Variants in TIAM1 observed in about 807,000 individuals in gnomAD.
TIAM1 encodes the protein rho guanine nucleotide exchange factor TIAM1.
A neutral mutation model predicts 163.5 loss-of-function variants in TIAM1; 65 were observed. The observed-to-expected ratio is 0.40, with a 90% confidence interval of 0.33 to 0.49. TIAM1 has a LOEUF of 0.49. Among genes scored for constraint, TIAM1 ranks in the 20% least tolerant of loss-of-function variants. The pLI, the probability that TIAM1 is intolerant of heterozygous loss-of-function variation, is 0.77. For missense variants in TIAM1, 1,789 were observed against 2,044.7 expected, an observed-to-expected ratio of 0.87 and a Z score of 2.41; for synonymous variants, 833 against 810.1, an observed-to-expected ratio of 1.03 and a Z score of -0.48.
chr21:31,399,972 ACACT>A (rs1369394580), intron 2 of TIAM1, among the ~76,000 whole-genome samples: 3 of 152,134 alleles, frequency 2.0e-5, no homozygotes, highest in Admixed American at 2.0e-4. Flanking sequence ...GCACACACAT[ACACT>A]CACTCACACA....
intron 2 of TIAM1, among the ~76,000 whole-genome samples, chr21:31,286,465 T>C (rs192914671): frequency 6.6e-6 from 1 of 152,108 alleles, no homozygotes; most frequent in Non-Finnish European, 1.5e-5. Flanking sequence ...CTTAGCACTT[T>C]GGGAAGCCGA....
chr21:31,488,546 G>C (rs1271732481), intron 1 of TIAM1, among the ~76,000 whole-genome samples: 1 of 152,238 alleles, frequency 6.6e-6, no homozygotes, highest in African/African-American at 2.4e-5. Context: ...AAGTTTCATG[G>C]ACTCAGTTCC....
At chr21:31,317,722 G>C (rs546908417) in intron 2 of TIAM1, among the ~76,000 whole-genome samples, 1 of 152,288 alleles carries the variant, frequency 6.6e-6, no homozygotes, top group Non-Finnish European at 1.5e-5. Context: ...AGAGGGTGTA[G>C]TGAGCCGACA....
intron 2 of TIAM1, among the ~76,000 whole-genome samples, chr21:31,382,219 TG>T (rs2076790107): frequency 6.6e-6 from 1 of 152,246 alleles, no homozygotes; most frequent in African/African-American, 2.4e-5. Flanking sequence ...CAGAGACCTC[TG>T]GGGCTAGATG....
intron 16 of TIAM1, 132 bp downstream of exon 16, chr21:31,164,830 G>T: frequency 2.5e-6 from 2 of 815,194 alleles, no homozygotes; most frequent in Non-Finnish European, 3.9e-6. Context: ...CTGCTATTCA[G>T]CAACATCTCA....
rs2083459128 is a variant in TIAM1, at chr21:31,153,187, C to T, written c.3172-53G>A. 4 of 1,419,022 alleles carry T rather than the reference C, an allele frequency of 2.8e-6. No individual in the cohort carries two copies. In the Admixed American group the frequency reaches 5.8e-5, roughly 21 times the overall value. The allele number at this position is 1,419,022 out of a possible 1,614,324, so 87.9% of individuals were successfully genotyped here. A position where few individuals can be genotyped will look rare whatever the true frequency, so the allele number is the denominator to read the frequency against. On this transcript the variant is annotated intron_variant, in intron 17 of 27. Coordinates refer to ENST00000541036, the MANE Select transcript of TIAM1 (RefSeq NM_001353694.2). Reference sequence around the variant, plus strand: ...CTTATGTGTTTTATTTTTTATATACCCTAGAACTTAAAGTATAAAGCATAT... The same window carrying T: ...CTTATGTGTTTTATTTTTTATATACTCTAGAACTTAAAGTATAAAGCATAT...
At chr21:31,322,206 T>G (rs556900957) in intron 2 of TIAM1, among the ~76,000 whole-genome samples, 3 of 152,206 alleles carry the variant, frequency 2.0e-5, no homozygotes, top group Non-Finnish European at 4.4e-5. Flanking sequence ...CATGATTATC[T>G]AAGAATATCA....
chr21:31,139,366 G>A (rs2082745020), intron 22 of TIAM1, among the ~76,000 whole-genome samples: 1 of 152,096 alleles, frequency 6.6e-6, no homozygotes, highest in Admixed American at 6.5e-5. Context: ...CAAAGGATGG[G>A]AGGACTTCTT....
intron 2 of TIAM1, among the ~76,000 whole-genome samples, chr21:31,303,393 T>C (rs2074574981): frequency 6.6e-6 from 1 of 152,180 alleles, no homozygotes; most frequent in African/African-American, 2.4e-5. Flanking sequence ...GGCAGATTCA[T>C]TAACTCATTT....
At chr21:31,135,668 T>C (rs1333545661) in intron 23 of TIAM1, among the ~76,000 whole-genome samples, 1 of 152,210 alleles carries the variant, frequency 6.6e-6, no homozygotes, top group Non-Finnish European at 1.5e-5. Flanking sequence ...AAAAAATTCT[T>C]TTCCTGCCTC....
chr21:31,365,356 C>A (rs2076481568), intron 2 of TIAM1, among the ~76,000 whole-genome samples: 1 of 151,018 alleles, frequency 6.6e-6, no homozygotes, highest in Non-Finnish European at 1.5e-5. Flanking sequence ...GAAGCACCTG[C>A]TGGCAGGGTC....
At position 31,266,361 on chromosome 21, in the gene TIAM1, T is replaced by C. The variant is rs767377168; in HGVS notation, c.612A>G (p.Glu204=). 7 of 1,614,150 alleles carry C rather than the reference T, an allele frequency of 4.3e-6. No homozygotes were observed. The highest frequency in any genetic ancestry group is 5.9e-6 in the Non-Finnish European group (7 of 1,180,058). Residue 204 remains glutamate, a synonymous_variant, in exon 4 of 28, where the codon GAA becomes GAG. Coordinates refer to ENST00000541036, the MANE Select transcript of TIAM1 (RefSeq NM_001353694.2). ...TSNEEILGSA[E]EKDCEEARGM... is the part of the protein sequence containing the mutation. The stretch of plus-strand genomic sequence containing the variant: ...CCCGAGCCTCCTCGCAGTCCTTCTC[T>C]TCGGCGGAACCCAAGATTTCTTCGT...
rs764039790 is a variant in TIAM1 at position 31,141,354 on chromosome 21, G to A, written c.3626C>T (p.Ala1209Val). Residue 1209 changes from alanine to valine, a missense_variant, in exon 21 of 28, where the codon GCG becomes GTG. Physicochemically the swap from Ala to Val is moderately conservative, Grantham distance 64 (BLOSUM62 0). Coordinates refer to ENST00000541036, the MANE Select transcript of TIAM1 (RefSeq NM_001353694.2). The surrounding 1 kb of genome is among the most constrained non-coding windows in gnomAD (Gnocchi z 4.7). Reference sequence around the variant, plus strand: ...CAGGTGGTAGTGCTCCTCGCTCTCCGCATCGGTCAGGGCGAACAGCTCCCT... The same window carrying A: ...CAGGTGGTAGTGCTCCTCGCTCTCCACATCGGTCAGGGCGAACAGCTCCCT... ...LLRELFALTDAESEEHYHLDV... is the reference protein window; with the variant it reads ...LLRELFALTDVESEEHYHLDV... The A allele has an allele frequency of 2.0e-5, 33 of 1,614,074 alleles. No homozygotes were observed. Among genetic ancestry groups the A allele is most frequent in the South Asian group, 7.7e-5 (7 of 91,088 alleles).
intron 1 of TIAM1, among the ~76,000 whole-genome samples, chr21:31,524,756 G>A (rs1569411650): frequency 6.6e-6 from 1 of 152,110 alleles, no homozygotes; most frequent in Non-Finnish European, 1.5e-5. Flanking sequence ...GATAATTACA[G>A]CAAAAACTTA....
At chr21:31,261,342 A>AAGCAC (rs1483680106) in intron 4 of TIAM1, among the ~76,000 whole-genome samples, 1 of 147,358 alleles carries the variant, frequency 6.8e-6, no homozygotes, top group Non-Finnish European at 1.5e-5. Flanking sequence ...AAACCTTTTC[A>AAGCAC]AGCACGGGGA....
At chr21:31,380,266 A>C (rs1048423602) in intron 2 of TIAM1, among the ~76,000 whole-genome samples, 9 of 151,688 alleles carry the variant, frequency 5.9e-5, no homozygotes, top group Admixed American at 2.0e-4. Flanking sequence ...TCAAACAATA[A>C]ATGTTAAGTG....
intron 2 of TIAM1, among the ~76,000 whole-genome samples, chr21:31,418,591 CTG>C (rs2043456912): frequency 6.6e-6 from 1 of 152,102 alleles, no homozygotes; most frequent in Non-Finnish European, 1.5e-5. Flanking sequence ...GGAGAGCTCT[CTG>C]TAGTTTTTCA....
In TIAM1 at chr21:31,507,179, A is replaced by ATTTTTTTTTTTTTTTTTT. The variant is rs572356384; in HGVS notation, c.-421-43162_-421-43145dup. Among the ~76,000 whole-genome samples, 2 of 44,582 alleles carry ATTTTTTTTTTTTTTTTTT rather than the reference A, an allele frequency of 4.5e-5. 1 individual carries two copies. The highest frequency in any genetic ancestry group is 1.9e-4 in the African/African-American group (2 of 10,288). The allele number at this position is 44,582 out of a possible 152,430, so 29.2% of individuals were successfully genotyped here. On this transcript the variant is annotated intron_variant, in intron 1 of 28. Transcript: ENST00000286827. ...TTTTTGAGGTGCATGCACCTTTTTA[A>ATTTTTTTTTTTTTTTTTT]TTTTTTTTTTTTTTTTTTTTTTTTT...
intron 1 of TIAM1, among the ~76,000 whole-genome samples, chr21:31,507,754 A>G (rs1458862529): frequency 6.6e-6 from 1 of 152,184 alleles, no homozygotes; most frequent in African/African-American, 2.4e-5. Flanking sequence ...GACAGACAAC[A>G]GTGAAACTGA....
Sources: allele counts gnomAD v4.1 joint callset (sites outside exome capture counted in the v4.1 genomes callset), GRCh38; gene constraint gnomAD v4.1.1; non-coding constraint Gnocchi (gnomAD v3.1); transcripts MANE v1.5; gene names NCBI Gene and HGNC (gene_info 2026-07-23, HGNC 2026-07-21).